The following RSPH9 variants were observed in gnomAD, a reference collection of about 807,000 sequenced individuals.
RSPH9 encodes the protein radial spoke head component 9.
RSPH9 carries 27 observed loss-of-function variants against 27.0 expected under a neutral mutation model. The ratio of observed to expected loss-of-function variants is 1.00; its 90% CI spans 0.74 to 1.38. RSPH9 has a LOEUF of 1.38. Ranked by LOEUF, RSPH9 falls within the 40% of genes most tolerant of loss-of-function variation. The pLI, the probability that RSPH9 is intolerant of heterozygous loss-of-function variation, is 0.00. For missense variants in RSPH9, 347 were observed against 357.4 expected, an observed-to-expected ratio of 0.97 and a Z score of 0.24; for synonymous variants, 145 against 147.7, an observed-to-expected ratio of 0.98 and a Z score of 0.13.
At chr6:43,654,927 C>T (rs1771852500) in intron 2 of RSPH9, among the ~76,000 whole-genome samples, 1 of 152,150 alleles carries the variant, frequency 6.6e-6, no homozygotes, top group African/African-American at 2.4e-5. Flanking sequence ...GTGGGAGGAT[C>T]ATCTGAGCCT....
chr6:43,672,413 C>A lies in RSPH9; in HGVS notation c.*1464C>A, dbSNP rs926960097. The A allele has an allele frequency of 1.1e-5, 5 of 471,304 alleles. No homozygotes were observed. The highest frequency in any genetic ancestry group is 2.0e-5 in the African/African-American group (1 of 50,116). The allele number at this position is 471,304 out of a possible 1,614,324, so 29.2% of individuals were successfully genotyped here. On this transcript the variant is annotated 3_prime_UTR_variant, in exon 5 of 5. Transcript: ENST00000372163. The stretch of plus-strand genomic sequence containing the variant: ...TGTGATGGGAATCAAGGGGTAAGGG[C>A]CCGTGGGCGCAGCCCTAGCCTAGGA...
intron 2 of RSPH9, among the ~76,000 whole-genome samples, chr6:43,653,972 G>A (rs973093670): frequency 5.3e-5 from 8 of 152,156 alleles, no homozygotes; most frequent in Non-Finnish European, 1.2e-4. Context: ...GATTACAGGC[G>A]TGAGCCACCG....
intron 4 of RSPH9, among the ~76,000 whole-genome samples, chr6:43,660,192 G>A (rs9472100): frequency 0.17 from 26,148 of 151,280 alleles, 5,092 homozygotes; most frequent in African/African-American, 0.48. Flanking sequence ...ACAGGCATGC[G>A]CCACGATGCC....
intron 4 of RSPH9, among the ~76,000 whole-genome samples, chr6:43,660,871 G>A (rs1490873561): frequency 6.9e-6 from 1 of 144,328 alleles, no homozygotes; most frequent in East Asian, 2.0e-4. Flanking sequence ...GGCAGTTATA[G>A]CTTTATGAAA....
chr6:43,665,951 G>A (rs1165504827), intron 4 of RSPH9, among the ~76,000 whole-genome samples: 9 of 151,986 alleles, frequency 5.9e-5, no homozygotes, highest in Admixed American at 5.9e-4. Context: ...TCAGCCTCCC[G>A]AGTAGCTGGG....
intron 3 of RSPH9, among the ~76,000 whole-genome samples, chr6:43,655,988 A>ACTTGCTTCCTTCCTTCCTTC (rs745382908): frequency 8.8e-6 from 1 of 113,616 alleles, no homozygotes; most frequent in African/African-American, 3.5e-5. Flanking sequence ...TCCTCCTTGG[A>ACTTGCTTCCTTCCTTCCTTC]CTTCCTTCCT....
At chr6:43,664,174 T>G (rs182068710) in intron 4 of RSPH9, among the ~76,000 whole-genome samples, 135 of 152,298 alleles carry the variant, frequency 8.9e-4, no homozygotes, top group Admixed American at 1.6e-3. Flanking sequence ...CTGCAGTGTT[T>G]GTGAAGAGCA....
chr6:43,661,259 G>A (rs967731051), intron 4 of RSPH9, among the ~76,000 whole-genome samples: 9 of 152,198 alleles, frequency 5.9e-5, no homozygotes, highest in Non-Finnish European at 1.2e-4. Context: ...TGGTAAATAA[G>A]CATTGGCTTC....
rs768448558 is a variant in RSPH9, at chr6:43,650,440, T to C, written c.293T>C (p.Val98Ala). ...ATEEMVAQSSVVKGRFMGDPS... is the reference protein window; with the variant it reads ...ATEEMVAQSSAVKGRFMGDPS... ...GAGGAGATGGTGGCGCAGTCGTCTG[T>C]GGTGAAGGGCCGCTTCATGGGGGAC... Residue 98 changes from valine to alanine, a missense_variant, in exon 2 of 5, where the codon GTG (valine) becomes GCG (alanine). Transcript: ENST00000372163. The C allele has an allele frequency of 1.2e-6, 2 of 1,614,076 alleles. No homozygotes were observed. The highest frequency in any genetic ancestry group is 2.2e-5 in the South Asian group (2 of 91,084).
In RSPH9 at chr6:43,650,600, C is replaced by A. The variant is rs182248859; in HGVS notation, c.393+60C>A. The A allele has an allele frequency of 4.4e-6, 7 of 1,590,512 alleles. No individual in the cohort carries two copies. In the Admixed American group the frequency reaches 1.0e-4, roughly 23 times the overall value. ...AGAGAGCCTGGGCTCATCCAAAACC[C>A]AGCCTAATAGAAATTATGGCAACAG... On this transcript the variant is annotated intron_variant, in intron 2 of 4. Coordinates refer to ENST00000372163, the MANE Select transcript of RSPH9 (RefSeq NM_152732.5).
chr6:43,657,838 A>G (rs1265817407), intron 4 of RSPH9, among the ~76,000 whole-genome samples: 1 of 152,210 alleles, frequency 6.6e-6, no homozygotes, highest in Non-Finnish European at 1.5e-5. Flanking sequence ...AATTAAATGG[A>G]CTACTCCTAT....
intron 1 of RSPH9, 68 bp downstream of exon 1, chr6:43,645,393 C>G: frequency 9.7e-7 from 1 of 1,028,566 alleles, no homozygotes; most frequent in Non-Finnish European, 1.5e-6. Context: ...GTGGGCGGGT[C>G]GCAGCAATTG....
intron 4 of RSPH9, among the ~76,000 whole-genome samples, chr6:43,662,142 G>A (rs1772694166): frequency 6.6e-6 from 1 of 152,074 alleles, no homozygotes; most frequent in Non-Finnish European, 1.5e-5. Context: ...GTCTCCCAAA[G>A]TGCTAGGATT....
At chr6:43,665,423 G>A (rs1416435050) in intron 4 of RSPH9, among the ~76,000 whole-genome samples, 1 of 152,248 alleles carries the variant, frequency 6.6e-6, no homozygotes, top group East Asian at 1.9e-4. Context: ...AGAATCGCTT[G>A]AGCTTAGGAG....
At chr6:43,667,788 T>C (rs557426797) in intron 4 of RSPH9, among the ~76,000 whole-genome samples, 2 of 152,314 alleles carry the variant, frequency 1.3e-5, no homozygotes, top group South Asian at 2.1e-4. Flanking sequence ...GCCATTTTTT[T>C]TTTGTATGTG....
intron 4 of RSPH9, among the ~76,000 whole-genome samples, chr6:43,666,115 C>T (rs369017659): frequency 3.3e-5 from 5 of 152,302 alleles, no homozygotes; most frequent in Admixed American, 6.5e-5. Context: ...CATAAGCCAC[C>T]GTGCCCAGCC....
chr6:43,645,429 G>C, intron 1 of RSPH9, 104 bp downstream of exon 1: 1 of 979,566 alleles, frequency 1.0e-6, no homozygotes, highest in Non-Finnish European at 1.5e-6. Flanking sequence ...ATGGGGCCAA[G>C]GGAGGTGTGG....
intron 4 of RSPH9, chr6:43,666,597 G>A (rs1773156617): frequency 9.5e-6 from 9 of 944,178 alleles, no homozygotes; most frequent in South Asian, 6.3e-5. Context: ...GAGTGGGAGA[G>A]CTGTTGTCCT....
chr6:43,662,380 T>C (rs143179805), intron 4 of RSPH9, among the ~76,000 whole-genome samples: 2,474 of 152,004 alleles, frequency 0.016, 72 homozygotes, highest in African/African-American at 0.056. Flanking sequence ...CTTTTTTTTT[T>C]TTTTGAGACG....
Sources: allele counts gnomAD v4.1 joint callset (sites outside exome capture counted in the v4.1 genomes callset), GRCh38; gene constraint gnomAD v4.1.1; transcripts MANE v1.5; gene names NCBI Gene and HGNC (gene_info 2026-07-23, HGNC 2026-07-21).